CAMK1D: variants seen among roughly 807,000 people sequenced by gnomAD.
The protein encoded by CAMK1D is calcium/calmodulin dependent protein kinase ID, also known as calcium/calmodulin-dependent protein kinase type 1D.
Under a neutral mutation model 47.7 loss-of-function variants are expected in CAMK1D, and 9 were observed. That is an observed-to-expected ratio of 0.19 (90% confidence interval 0.11 to 0.33). The LOEUF is 0.33. Among genes scored for constraint, CAMK1D ranks in the 10% least tolerant of loss-of-function variants. The pLI, the probability that CAMK1D is intolerant of heterozygous loss-of-function variation, is 1.00. For missense variants in CAMK1D, 291 were observed against 488.7 expected (o/e 0.60, Z 3.81); for synonymous variants, 184 against 184.9 (o/e 0.99, Z 0.04).
intron 5 of CAMK1D, among the ~76,000 whole-genome samples, chr10:12,777,363 CT>C (rs869192068): frequency 0.011 from 998 of 88,536 alleles, 5 homozygotes; most frequent in Middle Eastern, 0.054. Flanking sequence ...TTTGGTTGAA[CT>C]TTTTTTTTTT....
intron 2 of CAMK1D, among the ~76,000 whole-genome samples, chr10:12,582,356 C>T (rs1837687693): frequency 1.3e-5 from 2 of 152,056 alleles, no homozygotes; most frequent in African/African-American, 4.8e-5. Flanking sequence ...CTTAGTCTTG[C>T]TTTGGCTATG....
intron 2 of CAMK1D, chr10:12,578,971 G>GC (rs1837580378): frequency 6.5e-6 from 1 of 152,862 alleles, no homozygotes; most frequent in Admixed American, 6.5e-5. Context: ...TCTAGTGGGT[G>GC]CCCAGAGGCA....
chr10:12,742,393 C>T (rs910059049), intron 3 of CAMK1D, among the ~76,000 whole-genome samples: 2 of 152,042 alleles, frequency 1.3e-5, no homozygotes, highest in African/African-American at 4.8e-5. Flanking sequence ...CCTTGGCCTC[C>T]CAAAGTGCTG....
intron 1 of CAMK1D, among the ~76,000 whole-genome samples, chr10:12,522,768 G>GGGT (rs1564389265): frequency 6.7e-6 from 1 of 150,006 alleles, no homozygotes; most frequent in African/African-American, 2.5e-5. Flanking sequence ...TTCCCAGAAG[G>GGGT]GGCGGCCGGG....
At chr10:12,575,098 C>A (rs917604795) in intron 2 of CAMK1D, among the ~76,000 whole-genome samples, 1 of 151,714 alleles carries the variant, frequency 6.6e-6, no homozygotes, top group African/African-American at 2.4e-5. Flanking sequence ...TTTTCTTTTT[C>A]TTTTTATTTT....
intron 1 of CAMK1D, among the ~76,000 whole-genome samples, chr10:12,534,253 A>G (rs1385515270): frequency 6.6e-6 from 1 of 152,198 alleles, no homozygotes; most frequent in Non-Finnish European, 1.5e-5. Context: ...TCTGTCACCC[A>G]GGTTGGAGTG....
At chr10:12,593,992 C>T (rs1437990251) in intron 2 of CAMK1D, among the ~76,000 whole-genome samples, 2 of 152,168 alleles carry the variant, frequency 1.3e-5, no homozygotes, top group East Asian at 1.9e-4. Context: ...GCCTGACCAA[C>T]GTGGTGAAAC....
At chr10:12,504,580 G>A (rs11257839) in intron 1 of CAMK1D, among the ~76,000 whole-genome samples, 1 of 151,976 alleles carries the variant, frequency 6.6e-6, no homozygotes, top group South Asian at 2.1e-4. Flanking sequence ...TCCAGAAACA[G>A]CCTCATAGAC....
At chr10:12,603,511 T>C (rs2132394169) in intron 2 of CAMK1D, among the ~76,000 whole-genome samples, 1 of 152,352 alleles carries the variant, frequency 6.6e-6, no homozygotes, top group East Asian at 1.9e-4. Context: ...GCTGTTGTAA[T>C]AGGTCCTTAC....
At chr10:12,372,193 A>T (rs1838025361) in intron 1 of CAMK1D, among the ~76,000 whole-genome samples, 1 of 152,136 alleles carries the variant, frequency 6.6e-6, no homozygotes, top group Non-Finnish European at 1.5e-5. Flanking sequence ...CACAATGACA[A>T]ATCTCCTAAA....
chr10:12,568,978 T>C (rs1837231759), intron 2 of CAMK1D, among the ~76,000 whole-genome samples: 1 of 152,204 alleles, frequency 6.6e-6, no homozygotes, highest in Non-Finnish European at 1.5e-5. Context: ...AAAGTTTTTT[T>C]TTCTTTGTAA....
chr10:12,595,364 A>AAAAAAAAAAAAAAAAAAAAT (rs60206877), intron 2 of CAMK1D, among the ~76,000 whole-genome samples: 1 of 149,410 alleles, frequency 6.7e-6, no homozygotes, highest in African/African-American at 2.5e-5. Context: ...AAAAAAAAAA[A>AAAAAAAAAAAAAAAAAAAAT]GGATGGTTTT....
intron 3 of CAMK1D, among the ~76,000 whole-genome samples, chr10:12,712,178 C>G (rs951626098): frequency 3.3e-5 from 5 of 152,154 alleles, no homozygotes; most frequent in East Asian, 1.9e-4. Context: ...TGAGGGCCAC[C>G]CTAAGGGAAG....
At chr10:12,434,370 G>C (rs967456518) in intron 1 of CAMK1D, among the ~76,000 whole-genome samples, 1 of 152,178 alleles carries the variant, frequency 6.6e-6, no homozygotes, top group Non-Finnish European at 1.5e-5. Flanking sequence ...CAGCGCTTGA[G>C]ATTTCCTGAT....
intron 1 of CAMK1D, among the ~76,000 whole-genome samples, chr10:12,453,200 T>G (rs1833140525): frequency 6.6e-6 from 1 of 151,444 alleles, no homozygotes. Context: ...TTTCTTTTTT[T>G]TTTTTTTGAG....
At chr10:12,705,370 A>C (rs974948915) in intron 3 of CAMK1D, among the ~76,000 whole-genome samples, 1 of 152,126 alleles carries the variant, frequency 6.6e-6, no homozygotes, top group Admixed American at 6.6e-5. Flanking sequence ...CTGAGGGAGG[A>C]GAATCACTTG....
At chr10:12,620,913 T>A (rs1838978038) in intron 2 of CAMK1D, among the ~76,000 whole-genome samples, 1 of 152,204 alleles carries the variant, frequency 6.6e-6, no homozygotes, top group Non-Finnish European at 1.5e-5. Context: ...TACGTTAAAC[T>A]CCATGACCCA....
intron 2 of CAMK1D, among the ~76,000 whole-genome samples, chr10:12,582,270 T>A (rs2132340666): frequency 6.6e-6 from 1 of 152,338 alleles, no homozygotes; most frequent in East Asian, 1.9e-4. Flanking sequence ...ACCAGTACCA[T>A]GCTGTTTGGG....
intron 1 of CAMK1D, among the ~76,000 whole-genome samples, chr10:12,479,645 G>C (rs1021692722): frequency 6.6e-6 from 1 of 152,210 alleles, no homozygotes; most frequent in Non-Finnish European, 1.5e-5. Flanking sequence ...TCGCCCCACA[G>C]GTGTGCTCTG....
Sources: allele counts gnomAD v4.1 joint callset (sites outside exome capture counted in the v4.1 genomes callset), GRCh38; gene constraint gnomAD v4.1.1; transcripts MANE v1.5; gene names NCBI Gene and HGNC (gene_info 2026-07-23, HGNC 2026-07-21).